Variants in BTRC observed in about 807,000 individuals in gnomAD.
The protein encoded by BTRC is beta-transducin repeat containing E3 ubiquitin protein ligase.
Under a neutral mutation model 85.5 loss-of-function variants are expected in BTRC, and 42 were observed. The observed-to-expected ratio is 0.49, with a 90% confidence interval of 0.38 to 0.64. The LOEUF (loss-of-function observed/expected upper bound fraction) is 0.64, where lower values mean the gene tolerates loss of function less well. Ranked by LOEUF, BTRC falls within the 30% of genes least tolerant of loss-of-function variation. The pLI is 0.00. For synonymous variants in BTRC, 255 were observed against 263.3 expected, an observed-to-expected ratio of 0.97 and a Z score of 0.30; for missense variants, 594 against 743.5, an observed-to-expected ratio of 0.80 and a Z score of 2.34.
At chr10:101,435,001 T>C (rs1944491650) in intron 2 of BTRC, among the ~76,000 whole-genome samples, 1 of 152,012 alleles carries the variant, frequency 6.6e-6, no homozygotes, top group Non-Finnish European at 1.5e-5. Context: ...ACCCTATCAA[T>C]TCAATAATTT....
chr10:101,520,842 CA>C (rs2062094052), intron 4 of BTRC, among the ~76,000 whole-genome samples: 1 of 151,990 alleles, frequency 6.6e-6, no homozygotes, highest in Non-Finnish European at 1.5e-5. Flanking sequence ...CCTGTAGTCC[CA>C]ATACTTGGGA....
chr10:101,461,226 T>A (rs1021285543), intron 2 of BTRC, among the ~76,000 whole-genome samples: 8 of 152,190 alleles, frequency 5.3e-5, no homozygotes, highest in African/African-American at 1.7e-4. Flanking sequence ...TAAATATTAA[T>A]GTTATTAATG....
At chr10:101,498,088 A>G (rs1178760310) in intron 4 of BTRC, among the ~76,000 whole-genome samples, 1 of 152,114 alleles carries the variant, frequency 6.6e-6, no homozygotes, top group East Asian at 1.9e-4. Flanking sequence ...TGTGTGACAT[A>G]TACACACAAA....
intron 3 of BTRC, among the ~76,000 whole-genome samples, chr10:101,468,872 C>T (rs2134191340): frequency 6.6e-6 from 1 of 152,272 alleles, no homozygotes; most frequent in South Asian, 2.1e-4. Flanking sequence ...ACAACTAAAC[C>T]TTCTATTGAT....
intron 1 of BTRC, among the ~76,000 whole-genome samples, chr10:101,419,693 C>T (rs947102053): frequency 7.2e-5 from 11 of 152,142 alleles, no homozygotes; most frequent in African/African-American, 2.7e-4. Flanking sequence ...TCACCTTTAC[C>T]AAGGGCATGC....
intron 1 of BTRC, among the ~76,000 whole-genome samples, chr10:101,365,434 T>G (rs1942343002): frequency 6.6e-6 from 1 of 151,706 alleles, no homozygotes; most frequent in East Asian, 1.9e-4. Context: ...TGGGTGATAT[T>G]TCTTTTCTTT....
chr10:101,452,506 T>C (rs1944976761), intron 2 of BTRC, among the ~76,000 whole-genome samples: 1 of 152,256 alleles, frequency 6.6e-6, no homozygotes, highest in Admixed American at 6.5e-5. Flanking sequence ...TTTGCAAATA[T>C]ACACAATCCC....
At chr10:101,411,714 G>GTTTTT (rs34665777) in intron 1 of BTRC, among the ~76,000 whole-genome samples, 25 of 150,824 alleles carry the variant, frequency 1.7e-4, no homozygotes, top group Non-Finnish European at 2.4e-4. Flanking sequence ...TTCATTGTCA[G>GTTTTT]TTTTTTTCTG....
intron 4 of BTRC, among the ~76,000 whole-genome samples, chr10:101,487,981 T>C (rs1246728783): frequency 6.6e-6 from 1 of 152,248 alleles, no homozygotes; most frequent in Non-Finnish European, 1.5e-5. Flanking sequence ...ATGGTTGATA[T>C]ATTAATAATC....
chr10:101,551,484 C>T (rs530950535), intron 14 of BTRC, among the ~76,000 whole-genome samples: 33 of 152,226 alleles, frequency 2.2e-4, no homozygotes, highest in Non-Finnish European at 4.4e-4. Context: ...CAACCTCTCT[C>T]TCAGGCAGGG....
intron 14 of BTRC, 91 bp downstream of exon 14, chr10:101,550,982 G>A (rs1226425125): frequency 1.4e-5 from 17 of 1,238,518 alleles, no homozygotes; most frequent in East Asian, 2.5e-5. Flanking sequence ...TTCTCCTGCC[G>A]TTTGGGTCAC....
rs1194237945 is a variant in BTRC at position 101,522,014 on chromosome 10, CTTTTTTTTTTTTTTTTTTTTTTTT to C, written c.556+157_556+180del. On this transcript the variant is annotated intron_variant, in intron 5 of 14. Transcript: ENST00000370187. Reference sequence around the variant, plus strand: ...TTAACTGTACCTTTTTGATATAAAGCTTTTTTTTTTTTTTTTTTTTTTTTTTTTTTTTTTTTGAGATGGAGTCTT... The same window carrying C: ...TTAACTGTACCTTTTTGATATAAAGCTTTTTTTTTTTTGAGATGGAGTCTT... 8.8e-4 allele frequency: 60 copies of C among 67,868 alleles called. No homozygotes were observed. The East Asian group carries it at 0.026, about 30-fold the overall frequency. 4.2% of individuals were successfully genotyped at this position (67,868 alleles called of 1,614,324 possible).
chr10:101,521,094 T>G (rs1027209469), intron 4 of BTRC, among the ~76,000 whole-genome samples: 1 of 151,904 alleles, frequency 6.6e-6, no homozygotes, highest in Non-Finnish European at 1.5e-5. Flanking sequence ...AAAAGAAGAC[T>G]CCATCTCTAC....
At chr10:101,430,122 A>C (rs1224174885) in intron 1 of BTRC, among the ~76,000 whole-genome samples, 2 of 152,204 alleles carry the variant, frequency 1.3e-5, no homozygotes, top group African/African-American at 4.8e-5. Flanking sequence ...TGGTTTTTTG[A>C]ACGATAACTT....
intron 1 of BTRC, among the ~76,000 whole-genome samples, chr10:101,355,728 G>T (rs182850808): frequency 1.3e-3 from 195 of 152,240 alleles, no homozygotes; most frequent in African/African-American, 4.6e-3. Flanking sequence ...TTGAATTTTA[G>T]ACTTTAAACT....
intron 2 of BTRC, among the ~76,000 whole-genome samples, chr10:101,449,697 T>A (rs1008289736): frequency 1.3e-5 from 2 of 152,148 alleles, no homozygotes; most frequent in African/African-American, 2.4e-5. Context: ...CTTGGCTTTT[T>A]ATTATGTATG....
chr10:101,520,499 A>G (rs1010142607), intron 4 of BTRC, among the ~76,000 whole-genome samples: 3 of 152,256 alleles, frequency 2.0e-5, no homozygotes, highest in Non-Finnish European at 4.4e-5. Context: ...GAATGAATCA[A>G]TTAATAAAAA....
At chr10:101,378,520 ATTTTTT>A (rs368968037) in intron 1 of BTRC, among the ~76,000 whole-genome samples, 1 of 97,064 alleles carries the variant, frequency 1.0e-5, no homozygotes. Flanking sequence ...CCCAATTATA[ATTTTTT>A]TTTTTTTTTT....
At chr10:101,477,799 A>G (rs1945729462) in intron 3 of BTRC, among the ~76,000 whole-genome samples, 1 of 151,730 alleles carries the variant, frequency 6.6e-6, no homozygotes, top group Non-Finnish European at 1.5e-5. Flanking sequence ...ACAGGCACCC[A>G]CCACCATGCC....
Sources: gnomAD v4.1 joint callset for allele counts (sites outside exome capture counted in the v4.1 genomes callset) on GRCh38, gnomAD v4.1.1 for gene constraint, MANE v1.5 for transcripts, NCBI Gene and HGNC (gene_info 2026-07-23, HGNC 2026-07-21) for gene names.